E2F3: variants seen among roughly 807,000 people sequenced by gnomAD.
E2F3 encodes E2F transcription factor 3, also known as transcription factor E2F3.
In E2F3, 11 loss-of-function variants were observed where a neutral mutation model predicts 44.4. The observed-to-expected ratio is 0.25, with a 90% CI of 0.16 to 0.41. The LOEUF (loss-of-function observed/expected upper bound fraction) is 0.41, where lower values mean the gene tolerates loss of function less well. E2F3 is among the 10% of genes least tolerant of loss of function. The pLI, the probability that E2F3 is intolerant of heterozygous loss-of-function variation, is 1.00. For missense variants in E2F3, 487 were observed against 583.6 expected (o/e 0.83, Z 1.70); for synonymous variants, 249 against 253.0 (o/e 0.98, Z 0.15).
At chr6:20,430,642 A>T (rs1054426076) in intron 1 of E2F3, among the ~76,000 whole-genome samples, 2 of 152,210 alleles carry the variant, frequency 1.3e-5, no homozygotes, top group African/African-American at 4.8e-5. Context: ...AATCCTTTTT[A>T]TGGGTTGGCT....
rs147509362 is a variant in E2F3 at position 20,448,631 on chromosome 6, C to G, written c.394-31215C>G. Reference sequence around the variant, plus strand: ...CCATGTGGTGTATTTTACACAGTATCTAAAGGTGTTGCCTGATTTTGAATT... The same window carrying G: ...CCATGTGGTGTATTTTACACAGTATGTAAAGGTGTTGCCTGATTTTGAATT... On this transcript the variant is annotated intron_variant, in intron 1 of 6. Transcript: ENST00000346618. 3.9e-3 allele frequency among the ~76,000 whole-genome samples: 597 copies of G among 152,242 alleles called. 19 individuals are homozygous for G. Among genetic ancestry groups the G allele is most frequent in the Admixed American group, 0.034 (519 of 15,288 alleles).
chr6:20,406,374 G>T (rs2127583337), intron 1 of E2F3, among the ~76,000 whole-genome samples: 1 of 152,212 alleles, frequency 6.6e-6, no homozygotes, highest in South Asian at 2.1e-4. Context: ...TTAGCACAGT[G>T]CCTGGCAAAA....
intron 1 of E2F3, chr6:20,403,888 T>C (rs983039596): frequency 1.7e-4 from 195 of 1,154,772 alleles, no homozygotes; most frequent in Non-Finnish European, 2.3e-4. Context: ...CCGGATTCTG[T>C]TGGGGGCTGA....
intron 1 of E2F3, among the ~76,000 whole-genome samples, chr6:20,472,535 T>C (rs945079837): frequency 1.3e-5 from 2 of 151,758 alleles, no homozygotes; most frequent in Non-Finnish European, 1.5e-5. Flanking sequence ...AAAAAAAAAA[T>C]TAGCCACTCA....
chr6:20,483,688 C>T (rs917500601), intron 4 of E2F3, among the ~76,000 whole-genome samples: 1 of 152,148 alleles, frequency 6.6e-6, no homozygotes, highest in Non-Finnish European at 1.5e-5. Flanking sequence ...GAGAGATTGC[C>T]TCATTATGTC....
intron 1 of E2F3, among the ~76,000 whole-genome samples, chr6:20,443,949 C>G (rs1186445365): frequency 6.6e-6 from 1 of 152,092 alleles, no homozygotes; most frequent in Non-Finnish European, 1.5e-5. Flanking sequence ...CAGTGTCTCA[C>G]TCCTGTAATC....
intron 1 of E2F3, among the ~76,000 whole-genome samples, chr6:20,451,740 A>T (rs893439711): frequency 1.3e-5 from 2 of 152,160 alleles, no homozygotes; most frequent in Admixed American, 1.3e-4. Context: ...TTCATTCAAT[A>T]TGTAGTTTAC....
intron 3 of E2F3, 124 bp from the exon 4 acceptor site, chr6:20,482,638 T>G (rs1476522271): frequency 1.2e-5 from 8 of 652,042 alleles, no homozygotes; most frequent in Non-Finnish European, 1.9e-5. Flanking sequence ...ATGTTCTAAT[T>G]TTAACACTTG....
intron 1 of E2F3, among the ~76,000 whole-genome samples, chr6:20,461,761 T>C (rs1230170663): frequency 6.6e-6 from 1 of 152,228 alleles, no homozygotes; most frequent in Admixed American, 6.5e-5. Flanking sequence ...GCTCTACAAA[T>C]TCTTGTGTAC....
At position 20,435,384 on chromosome 6, in the gene E2F3, C is replaced by G. The variant is rs187754780; in HGVS notation, c.393+32759C>G. On this transcript the variant is annotated intron_variant, in intron 1 of 6. Transcript: ENST00000346618. Reference sequence around the variant, plus strand: ...TGCTAGTGAGACCAGAACACTTTAACATACTAAAAGTTATAGCTGGTTAGC... The same window carrying G: ...TGCTAGTGAGACCAGAACACTTTAAGATACTAAAAGTTATAGCTGGTTAGC... Among the ~76,000 whole-genome samples, 32 of 152,326 alleles carry G rather than the reference C, an allele frequency of 2.1e-4. No homozygotes were observed. The East Asian group carries it at 4.4e-3, about 21-fold the overall frequency.
chr6:20,410,768 G>A (rs762805924), intron 1 of E2F3, among the ~76,000 whole-genome samples: 22 of 152,098 alleles, frequency 1.4e-4, no homozygotes, highest in Non-Finnish European at 2.4e-4. Flanking sequence ...ACAGGTGTGC[G>A]CCACCACGCC....
At chr6:20,483,702 C>G (rs1240658565) in intron 4 of E2F3, among the ~76,000 whole-genome samples, 2 of 152,182 alleles carry the variant, frequency 1.3e-5, no homozygotes. Context: ...TTATGTCAAA[C>G]AAGACTTGCC....
chr6:20,403,788 C>T (rs1227374319), intron 1 of E2F3: 9 of 1,494,944 alleles, frequency 6.0e-6, no homozygotes, highest in Non-Finnish European at 6.2e-6. Context: ...CCCCCCACCT[C>T]CCCCCGGAGC....
chr6:20,480,036 C>T (rs547666818), intron 2 of E2F3, 79 bp downstream of exon 2: 291 of 1,508,324 alleles, frequency 1.9e-4, no homozygotes, highest in Non-Finnish European at 1.3e-4. Context: ...CGGAAGGATG[C>T]CAAGGTGTGA....
At chr6:20,403,932 G>A (rs1759401950) in intron 1 of E2F3, 2 of 673,822 alleles carry the variant, frequency 3.0e-6, no homozygotes, top group East Asian at 3.4e-5. Context: ...CGGGGTTTTG[G>A]AGTGGGAACG....
intron 1 of E2F3, among the ~76,000 whole-genome samples, chr6:20,417,055 CAAT>C (rs1441666314): frequency 1.3e-4 from 20 of 152,152 alleles, no homozygotes; most frequent in Non-Finnish European, 2.9e-4. Flanking sequence ...GCATGTTTGA[CAAT>C]TATTTTTTCT....
intron 4 of E2F3, among the ~76,000 whole-genome samples, chr6:20,486,045 T>C (rs1026618941): frequency 2.0e-5 from 3 of 152,204 alleles, no homozygotes; most frequent in African/African-American, 7.2e-5. Flanking sequence ...GGAATGCCTG[T>C]GCTGCAAAGG....
intron 1 of E2F3, chr6:20,438,099 T>C (rs958091421): frequency 1.3e-5 from 2 of 151,380 alleles, no homozygotes; most frequent in Non-Finnish European, 2.9e-5. Context: ...TGGGTTCAAG[T>C]TTCAGATTTG....
At chr6:20,475,096 C>G (rs951748756) in intron 1 of E2F3, among the ~76,000 whole-genome samples, 1 of 152,238 alleles carries the variant, frequency 6.6e-6, no homozygotes, top group African/African-American at 2.4e-5. Flanking sequence ...GCTTTTGGAC[C>G]TAGTGATTGA....
Sources: allele counts gnomAD v4.1 joint callset (sites outside exome capture counted in the v4.1 genomes callset), GRCh38; gene constraint gnomAD v4.1.1; transcripts MANE v1.5; gene names NCBI Gene and HGNC (gene_info 2026-07-23, HGNC 2026-07-21).